Variants in ANKS1B observed in about 807,000 individuals in gnomAD.
ANKS1B encodes ankyrin repeat and sterile alpha motif domain containing 1B.
ANKS1B carries 36 observed loss-of-function variants against 148.3 expected under a neutral mutation model. The observed-to-expected ratio is 0.24, with a 90% CI of 0.19 to 0.32. The LOEUF (loss-of-function observed/expected upper bound fraction) is 0.32, where lower values mean the gene tolerates loss of function less well. Ranked by LOEUF, ANKS1B falls within the 10% of genes least tolerant of loss-of-function variation. The pLI is 1.00. For missense variants in ANKS1B, 1,157 were observed against 1,542.6 expected (o/e 0.75, Z 4.19); for synonymous variants, 542 against 560.8 (o/e 0.97, Z 0.47).
At chr12:98,805,358 T>A (rs1430225719) in intron 20 of ANKS1B, among the ~76,000 whole-genome samples, 1 of 152,022 alleles carries the variant, frequency 6.6e-6, no homozygotes. Flanking sequence ...GAGGAAAATG[T>A]ACATCATTAG....
At chr12:99,736,807 A>ACTAAT (rs1325599516) in intron 8 of ANKS1B, among the ~76,000 whole-genome samples, 1 of 152,088 alleles carries the variant, frequency 6.6e-6, no homozygotes, top group Admixed American at 6.5e-5. Context: ...CCAACAAGGG[A>ACTAAT]CTAATATCCA....
At chr12:98,906,474 T>C (rs1295777271) in intron 17 of ANKS1B, among the ~76,000 whole-genome samples, 3 of 151,564 alleles carry the variant, frequency 2.0e-5, no homozygotes, top group Non-Finnish European at 2.9e-5. Flanking sequence ...AGGGCAGGAG[T>C]TTCTCCACCT....
intron 1 of ANKS1B, among the ~76,000 whole-genome samples, chr12:99,884,925 A>G (rs2092740797): frequency 6.6e-6 from 1 of 151,576 alleles, no homozygotes; most frequent in African/African-American, 2.4e-5. Flanking sequence ...AAATTTACCT[A>G]TTTAAAAAAA....
intron 12 of ANKS1B, among the ~76,000 whole-genome samples, chr12:99,335,116 GTTCT>G (rs1238803833): frequency 3.3e-5 from 5 of 151,894 alleles, no homozygotes; most frequent in Non-Finnish European, 4.4e-5. Flanking sequence ...ACTTCTAAGA[GTTCT>G]TTCTTTTTTC....
At chr12:99,878,064 A>G (rs1262391909) in intron 1 of ANKS1B, among the ~76,000 whole-genome samples, 1 of 152,132 alleles carries the variant, frequency 6.6e-6, no homozygotes, top group Non-Finnish European at 1.5e-5. Flanking sequence ...CAAAACAAAC[A>G]AACAACAACA....
At chr12:98,914,033 G>A (rs757873305) in intron 17 of ANKS1B, among the ~76,000 whole-genome samples, 7 of 152,074 alleles carry the variant, frequency 4.6e-5, no homozygotes, top group Admixed American at 6.6e-5. Context: ...GATATGGTTT[G>A]GATATTTTTC....
chr12:99,361,990 C>T (rs1593097810), intron 12 of ANKS1B, among the ~76,000 whole-genome samples: 1 of 115,616 alleles, frequency 8.6e-6, no homozygotes, highest in African/African-American at 5.0e-5. Context: ...AACATATATG[C>T]CATGTAGGAA....
chr12:99,119,794 T>A (rs2062290911), intron 15 of ANKS1B, among the ~76,000 whole-genome samples: 1 of 152,194 alleles, frequency 6.6e-6, no homozygotes, highest in Admixed American at 6.5e-5. Context: ...ATGTCATGGA[T>A]AAGATCTTGG....
intron 19 of ANKS1B, among the ~76,000 whole-genome samples, chr12:98,828,227 G>A (rs1465421330): frequency 6.6e-6 from 1 of 152,172 alleles, no homozygotes; most frequent in South Asian, 2.1e-4. Context: ...AATAGCCATG[G>A]TTTCCAGAAC....
intron 17 of ANKS1B, among the ~76,000 whole-genome samples, chr12:98,916,197 C>G (rs1277706424): frequency 1.3e-5 from 2 of 152,216 alleles, no homozygotes; most frequent in Non-Finnish European, 2.9e-5. Context: ...TGATTCACTG[C>G]TGAGCTACTG....
At chr12:98,845,979 TACACACAC>T (rs67641647) in intron 17 of ANKS1B, among the ~76,000 whole-genome samples, 5 of 120,574 alleles carry the variant, frequency 4.1e-5, no homozygotes, top group South Asian at 2.4e-4. Context: ...TATATATATA[TACACACAC>T]ACACACACAC....
At chr12:99,060,395 C>T (rs1236802224) in intron 16 of ANKS1B, among the ~76,000 whole-genome samples, 1 of 151,896 alleles carries the variant, frequency 6.6e-6, no homozygotes, top group Non-Finnish European at 1.5e-5. Flanking sequence ...AGCTGAACAA[C>T]CCATGCTCTG....
intron 9 of ANKS1B, among the ~76,000 whole-genome samples, chr12:99,567,831 G>A (rs2097412607): frequency 2.6e-5 from 4 of 152,160 alleles, no homozygotes; most frequent in African/African-American, 7.2e-5. Flanking sequence ...TAACCAAGAA[G>A]TGGTAATCAG....
At chr12:99,147,321 C>G (rs2073470451) in intron 15 of ANKS1B, among the ~76,000 whole-genome samples, 1 of 152,048 alleles carries the variant, frequency 6.6e-6, no homozygotes, top group South Asian at 2.1e-4. Flanking sequence ...TTGGCAGAGA[C>G]AGTAGCATGT....
At chr12:99,171,933 G>T (rs576074336) in intron 14 of ANKS1B, among the ~76,000 whole-genome samples, 1 of 152,106 alleles carries the variant, frequency 6.6e-6, no homozygotes, top group Non-Finnish European at 1.5e-5. Flanking sequence ...TAGTGAGGAG[G>T]AAATTACCAT....
At position 98,948,397 on chromosome 12, in the gene ANKS1B, G is replaced by A. The variant is rs982221111; in HGVS notation, c.2778+104760C>T. Among the ~76,000 whole-genome samples the A allele has an allele frequency of 3.9e-5, 6 of 152,250 alleles. No homozygotes were observed. The South Asian group carries it at 1.0e-3, about 26-fold the overall frequency. On this transcript the variant is annotated intron_variant, in intron 17 of 26. Coordinates refer to ENST00000683438, the MANE Select transcript of ANKS1B (RefSeq NM_001352186.2). ...TGAAGCAAACAGTGGGGGGACCTTC[G>A]GAGGTCATTCACATAAAACCATCAT...
intron 12 of ANKS1B, among the ~76,000 whole-genome samples, chr12:99,353,155 G>T (rs1184916283): frequency 6.6e-6 from 1 of 151,896 alleles, no homozygotes; most frequent in Non-Finnish European, 1.5e-5. Flanking sequence ...CTCATTAGAG[G>T]CACCACAGTA....
At chr12:99,667,035 T>G (rs2098511752) in intron 8 of ANKS1B, among the ~76,000 whole-genome samples, 1 of 152,122 alleles carries the variant, frequency 6.6e-6, no homozygotes, top group Non-Finnish European at 1.5e-5. Flanking sequence ...AAACTTCAAA[T>G]TTGTACCAAA....
chr12:99,409,149 A>C (rs2094604537), intron 11 of ANKS1B, among the ~76,000 whole-genome samples: 10 of 152,246 alleles, frequency 6.6e-5, no homozygotes, highest in Admixed American at 6.5e-4. Context: ...CATAAACACA[A>C]TGGCATACTA....
Sources: allele counts gnomAD v4.1 joint callset (sites outside exome capture counted in the v4.1 genomes callset), GRCh38; gene constraint gnomAD v4.1.1; transcripts MANE v1.5; gene names NCBI Gene and HGNC (gene_info 2026-07-23, HGNC 2026-07-21).